The following PKNOX2 variants were observed in gnomAD, a reference collection of about 807,000 sequenced individuals.
PKNOX2 encodes homeobox protein PKNOX2.
In PKNOX2, 14 loss-of-function variants were observed where a neutral mutation model predicts 53.1. The ratio of observed to expected loss-of-function variants is 0.26; its 90% CI spans 0.17 to 0.41. The LOEUF (loss-of-function observed/expected upper bound fraction) is 0.41. Ranked by LOEUF, PKNOX2 falls within the 10% of genes least tolerant of loss-of-function variation. The pLI is 1.00. For synonymous variants in PKNOX2, 257 were observed against 242.8 expected (o/e 1.06, Z -0.54); for missense variants, 496 against 602.8 (o/e 0.82, Z 1.85).
intron 2 of PKNOX2, among the ~76,000 whole-genome samples, chr11:125,302,826 C>T (rs145143259): frequency 5.3e-5 from 8 of 152,316 alleles, no homozygotes; most frequent in Admixed American, 6.5e-5. Context: ...ACTACAGCCT[C>T]GGAGGGCAGA....
Position 125,421,663 on chromosome 11 carries a change from C to T in PKNOX2, c.937-7349C>T, listed in dbSNP as rs181899534. Among the ~76,000 whole-genome samples the T allele has an allele frequency of 7.2e-3, 1,090 of 152,360 alleles. 7 individuals carry two copies. The highest frequency in any genetic ancestry group is 0.025 in the African/African-American group (1,037 of 41,586). On this transcript the variant is annotated intron_variant, in intron 10 of 12. Coordinates refer to ENST00000298282, the MANE Select transcript of PKNOX2 (RefSeq NM_001382323.2). ...AGGGTGGCCACGTGTTCAGCAGAAA[C>T]ACCTTCCTACCCGTCAGAGCAAAGG...
At chr11:125,198,858 G>A (rs1347593645) in intron 1 of PKNOX2, among the ~76,000 whole-genome samples, 1 of 131,066 alleles carries the variant, frequency 7.6e-6, no homozygotes, top group African/African-American at 2.9e-5. Context: ...TTTTTTTTCT[G>A]AGACAGAGTA....
chr11:125,189,675 A>C (rs1380226897), intron 1 of PKNOX2, among the ~76,000 whole-genome samples: 6 of 150,834 alleles, frequency 4.0e-5, no homozygotes, highest in African/African-American at 1.5e-4. Context: ...ACTGGAGCAA[A>C]CTCCTTTCAG....
chr11:125,416,967 C>T (rs1955919054), intron 10 of PKNOX2, among the ~76,000 whole-genome samples: 1 of 152,002 alleles, frequency 6.6e-6, no homozygotes, highest in African/African-American at 2.4e-5. Flanking sequence ...ATCCCAGAGC[C>T]TTTTTGCTGT....
chr11:125,249,263 T>C (rs1943817862), intron 2 of PKNOX2, among the ~76,000 whole-genome samples: 2 of 151,950 alleles, frequency 1.3e-5, no homozygotes, highest in African/African-American at 4.8e-5. Flanking sequence ...TACTAATGGA[T>C]ACTATTGGAG....
At chr11:125,351,237 C>T (rs1951292775) in intron 3 of PKNOX2, 47 bp from the exon 4 acceptor site, 1 of 846,466 alleles carries the variant, frequency 1.2e-6, no homozygotes, top group African/African-American at 1.7e-5. Flanking sequence ...CCAGGGCGGG[C>T]CTGCTCAGCG....
At chr11:125,354,294 G>A (rs1245964127) in intron 4 of PKNOX2, among the ~76,000 whole-genome samples, 2 of 152,126 alleles carry the variant, frequency 1.3e-5, no homozygotes, top group Non-Finnish European at 2.9e-5. Context: ...GGCACACCAG[G>A]GAATCCTGTC....
chr11:125,234,011 T>C (rs1942458476), intron 1 of PKNOX2, among the ~76,000 whole-genome samples: 1 of 152,208 alleles, frequency 6.6e-6, no homozygotes, highest in South Asian at 2.1e-4. Context: ...CAGACCAGTC[T>C]CTGCGTCATC....
chr11:125,350,534 G>A (rs1013162142), intron 3 of PKNOX2, among the ~76,000 whole-genome samples: 10 of 152,032 alleles, frequency 6.6e-5, no homozygotes, highest in African/African-American at 2.4e-4. Flanking sequence ...CCCACATTCC[G>A]GTGACCGTAC....
intron 1 of PKNOX2, among the ~76,000 whole-genome samples, chr11:125,191,573 G>A (rs780570607): frequency 6.6e-6 from 1 of 152,186 alleles, no homozygotes; most frequent in Non-Finnish European, 1.5e-5. Flanking sequence ...AGACGTCACA[G>A]TGCAGTCACC....
chr11:125,380,145 G>C (rs889795829), intron 5 of PKNOX2, among the ~76,000 whole-genome samples: 1 of 152,170 alleles, frequency 6.6e-6, no homozygotes, highest in African/African-American at 2.4e-5. Flanking sequence ...GAAGGCGCCC[G>C]CCCTCCCGGC....
chr11:125,326,164 T>G (rs1402282347), intron 2 of PKNOX2, among the ~76,000 whole-genome samples: 1 of 152,046 alleles, frequency 6.6e-6, no homozygotes, highest in Non-Finnish European at 1.5e-5. Flanking sequence ...CGAGGGGAGA[T>G]TAAGATTCAC....
chr11:125,354,470 G>A (rs1229549337), intron 4 of PKNOX2, among the ~76,000 whole-genome samples: 1 of 152,116 alleles, frequency 6.6e-6, no homozygotes, highest in Non-Finnish European at 1.5e-5. Flanking sequence ...GCAACAAATG[G>A]GCAGTCTCTG....
intron 12 of PKNOX2, among the ~76,000 whole-genome samples, chr11:125,430,353 G>A (rs1357069872): frequency 2.6e-5 from 4 of 152,160 alleles, no homozygotes; most frequent in East Asian, 1.9e-4. Flanking sequence ...AAAGAAAAGC[G>A]GGAGTTGGTG....
intron 5 of PKNOX2, among the ~76,000 whole-genome samples, chr11:125,369,246 A>T (rs1952385165): frequency 6.6e-6 from 1 of 152,150 alleles, no homozygotes; most frequent in Non-Finnish European, 1.5e-5. Flanking sequence ...GGCCCAGGAG[A>T]GGGACAAAAC....
chr11:125,263,143 C>A (rs769681030), intron 2 of PKNOX2, among the ~76,000 whole-genome samples: 22 of 152,150 alleles, frequency 1.4e-4, no homozygotes, highest in Non-Finnish European at 2.9e-4. Context: ...GACTGGGGAC[C>A]AATTCCTATT....
intron 10 of PKNOX2, among the ~76,000 whole-genome samples, chr11:125,426,109 CTTAGAGACAGCAAACA>C (rs1956400657): frequency 6.6e-6 from 1 of 152,214 alleles, no homozygotes; most frequent in Non-Finnish European, 1.5e-5. Context: ...CAGAAGGCTC[CTTAGAGACAGCAAACA>C]TTATTCTTCC....
intron 2 of PKNOX2, among the ~76,000 whole-genome samples, chr11:125,295,478 G>A (rs960298768): frequency 3.3e-5 from 5 of 152,340 alleles, no homozygotes; most frequent in African/African-American, 4.8e-5. Context: ...GTGCCTGTGC[G>A]TATGCACCAC....
chr11:125,248,998 A>G (rs910036146), intron 2 of PKNOX2, among the ~76,000 whole-genome samples: 52 of 146,812 alleles, frequency 3.5e-4, no homozygotes, highest in Non-Finnish European at 6.3e-4. Context: ...TATATAACAT[A>G]CATAATATAT....
Sources: gnomAD v4.1 joint callset for allele counts (sites outside exome capture counted in the v4.1 genomes callset) on GRCh38, gnomAD v4.1.1 for gene constraint, MANE v1.5 for transcripts, NCBI Gene and HGNC (gene_info 2026-07-23, HGNC 2026-07-21) for gene names.